The following CORO2A variants were observed in gnomAD, a reference collection of about 807,000 sequenced individuals.
CORO2A encodes coronin 2A, also known as coronin-2A.
A neutral mutation model predicts 62.4 loss-of-function variants in CORO2A; 47 were observed. That is an observed-to-expected ratio of 0.75 (90% CI 0.60 to 0.96). CORO2A has a LOEUF of 0.96. Among genes scored for constraint, CORO2A ranks in the 40% least tolerant of loss-of-function variants. The pLI, the probability that CORO2A is intolerant of heterozygous loss-of-function variation, is 0.00. For synonymous variants in CORO2A, 273 were observed against 268.9 expected (o/e 1.02, Z -0.15); for missense variants, 610 against 684.1 (o/e 0.89, Z 1.21).
intron 1 of CORO2A, among the ~76,000 whole-genome samples, chr9:98,180,524 T>C (rs1042028297): frequency 5.3e-5 from 8 of 152,142 alleles, no homozygotes; most frequent in African/African-American, 1.9e-4. Context: ...ACAAGTCCCA[T>C]GGCCTCTCTG....
intron 2 of CORO2A, among the ~76,000 whole-genome samples, chr9:98,154,295 A>G (rs1400815083): frequency 1.6e-5 from 2 of 127,452 alleles, no homozygotes; most frequent in Non-Finnish European, 3.3e-5. Context: ...CTGTAAAACC[A>G]TCTAGGCCTA....
chr9:98,131,641 C>T (rs1465119429), intron 6 of CORO2A, among the ~76,000 whole-genome samples: 1 of 152,104 alleles, frequency 6.6e-6, no homozygotes, highest in Non-Finnish European at 1.5e-5. Flanking sequence ...TTTTGACACA[C>T]CCGATCTCAT....
At chr9:98,144,527 C>T (rs983685260) in intron 2 of CORO2A, among the ~76,000 whole-genome samples, 2 of 152,134 alleles carry the variant, frequency 1.3e-5, no homozygotes, top group African/African-American at 4.8e-5. Context: ...GGCAGAGATG[C>T]GGTACTCACA....
chr9:98,151,135 G>A (rs1827719151), intron 2 of CORO2A, among the ~76,000 whole-genome samples: 1 of 152,118 alleles, frequency 6.6e-6, no homozygotes, highest in African/African-American at 2.4e-5. Flanking sequence ...GAGATAATTT[G>A]TGGAGTTAAT....
At chr9:98,128,842 G>A in intron 8 of CORO2A, 123 bp from the exon 9 acceptor site, 1 of 708,548 alleles carries the variant, frequency 1.4e-6, no homozygotes, top group East Asian at 2.7e-5. Flanking sequence ...AACAGCTCAG[G>A]GACAAATACC....
chr9:98,191,477 C>CGT (rs1828305370), intron 1 of CORO2A, among the ~76,000 whole-genome samples: 1 of 152,142 alleles, frequency 6.6e-6, no homozygotes, highest in Non-Finnish European at 1.5e-5. Flanking sequence ...GACCACTGCC[C>CGT]CAGGGTGAGG....
Position 98,131,048 on chromosome 9 carries a change from A to G in CORO2A, c.777T>C (p.Ser259=), listed in dbSNP as rs567365208. ...CCAGGTCCTCCTCCATCAGAGGCACAGAGAGGTTATCCTGCAGGGGAAGGG... is the reference window on the plus strand; with the variant it reads ...CCAGGTCCTCCTCCATCAGAGGCACGGAGAGGTTATCCTGCAGGGGAAGGG... ...QVALWDQDNL[S]VPLMEEDLDG... The change falls in exon 7 of 12, where the codon TCT becomes TCC. Residue 259 remains serine, a synonymous_variant. Transcript: ENST00000375077. 24 of 1,612,572 alleles carry G rather than the reference A, an allele frequency of 1.5e-5. No individual in the cohort carries two copies. In the South Asian group the frequency reaches 2.5e-4, roughly 17 times the overall value.
intron 1 of CORO2A, among the ~76,000 whole-genome samples, chr9:98,191,355 C>T (rs1263127389): frequency 2.6e-5 from 4 of 152,214 alleles, no homozygotes; most frequent in Non-Finnish European, 4.4e-5. Context: ...ACAGCCTGCT[C>T]CAGGGCAGAC....
At chr9:98,128,814 A>G (rs144439070) in intron 8 of CORO2A, 95 bp from the exon 9 acceptor site, 2 of 919,724 alleles carry the variant, frequency 2.2e-6, no homozygotes, top group Non-Finnish European at 3.5e-6. Flanking sequence ...CTGAACAGAG[A>G]CCAGTCTCCT....
chr9:98,178,477 T>C (rs920499201), intron 1 of CORO2A, among the ~76,000 whole-genome samples: 1 of 152,236 alleles, frequency 6.6e-6, no homozygotes, highest in African/African-American at 2.4e-5. Flanking sequence ...GAGTGGTGAA[T>C]ATAATTTGTA....
rs185436471 is a variant in CORO2A, at chr9:98,185,657, C to T, written c.-1+6902G>A. ...TCAATTCCCCAGCCTGGGCCAACAC[C>T]GTGGTGCAGCCTTAGGAACAGCCAC... On this transcript the variant is annotated intron_variant, in intron 1 of 11. Transcript: ENST00000375077. Among the ~76,000 whole-genome samples, 949 of 152,320 alleles carry T rather than the reference C, an allele frequency of 6.2e-3. 13 individuals carry two copies. Among genetic ancestry groups the T allele is most frequent in the Non-Finnish European group, 8.7e-3 (594 of 68,032 alleles).
At chr9:98,163,142 C>T (rs1231857448) in intron 1 of CORO2A, among the ~76,000 whole-genome samples, 1 of 152,236 alleles carries the variant, frequency 6.6e-6, no homozygotes, top group Non-Finnish European at 1.5e-5. Flanking sequence ...TTCCCAACTC[C>T]CAGAAAGGAT....
At chr9:98,180,506 G>A (rs1828163925) in intron 1 of CORO2A, among the ~76,000 whole-genome samples, 1 of 152,054 alleles carries the variant, frequency 6.6e-6, no homozygotes, top group African/African-American at 2.4e-5. Flanking sequence ...TGAGCTACGT[G>A]ACCTCAGACA....
intron 6 of CORO2A, 152 bp from the exon 7 acceptor site, chr9:98,131,211 A>G: frequency 3.3e-6 from 2 of 602,122 alleles, no homozygotes; most frequent in Non-Finnish European, 6.0e-6. Context: ...GTGCGGGGGG[A>G]AGATGTCCCT....
At chr9:98,179,973 A>T (rs1828156303) in intron 1 of CORO2A, among the ~76,000 whole-genome samples, 1 of 152,172 alleles carries the variant, frequency 6.6e-6, no homozygotes, top group African/African-American at 2.4e-5. Flanking sequence ...ACTGCACTCC[A>T]GCCTGGATGA....
At chr9:98,138,907 C>T (rs1448237256) in intron 2 of CORO2A, among the ~76,000 whole-genome samples, 39 of 151,846 alleles carry the variant, frequency 2.6e-4, no homozygotes, top group Admixed American at 1.8e-3. Flanking sequence ...ATTAGCCCGG[C>T]GTGGTGGTGC....
chr9:98,129,737 C>T, intron 8 of CORO2A, 57 bp downstream of exon 8: 2 of 1,378,842 alleles, frequency 1.5e-6, no homozygotes, highest in Non-Finnish European at 2.1e-6. Flanking sequence ...GATTCTCCCA[C>T]CTCGGCCTCC....
At chr9:98,162,527 C>T (rs1006532796) in intron 1 of CORO2A, among the ~76,000 whole-genome samples, 1 of 152,184 alleles carries the variant, frequency 6.6e-6, no homozygotes, top group African/African-American at 2.4e-5. Flanking sequence ...TGAAGGGAAA[C>T]TTCACAAGTA....
chr9:98,125,183 GGT>G (rs911133272), intron 11 of CORO2A, among the ~76,000 whole-genome samples: 52 of 152,336 alleles, frequency 3.4e-4, no homozygotes, highest in African/African-American at 1.2e-3. Context: ...TCTGGGGATT[GGT>G]GTTTTCGCCA....
Sources: gnomAD v4.1 joint callset for allele counts (sites outside exome capture counted in the v4.1 genomes callset) on GRCh38, gnomAD v4.1.1 for gene constraint, MANE v1.5 for transcripts, NCBI Gene and HGNC (gene_info 2026-07-23, HGNC 2026-07-21) for gene names.